The following POLH variants were observed in gnomAD, a reference collection of about 807,000 sequenced individuals.
The protein encoded by POLH is DNA polymerase eta.
A neutral mutation model predicts 73.6 loss-of-function variants in POLH; 53 were observed. The ratio of observed to expected loss-of-function variants is 0.72; its 90% CI spans 0.58 to 0.91. The LOEUF is 0.91. Ranked by LOEUF, POLH falls within the 40% of genes least tolerant of loss-of-function variation. The pLI, the probability that POLH is intolerant of heterozygous loss-of-function variation, is 0.00. For missense variants in POLH, 768 were observed against 865.4 expected (o/e 0.89, Z 1.41); for synonymous variants, 292 against 308.5 (o/e 0.95, Z 0.56).
At chr6:43,594,485 G>A (rs1272788895) in intron 4 of POLH, among the ~76,000 whole-genome samples, 1 of 152,154 alleles carries the variant, frequency 6.6e-6, no homozygotes, top group Non-Finnish European at 1.5e-5. Context: ...CACTTTGGGA[G>A]CCCTTGAGGT....
chr6:43,619,364 CAAAAAAAAAAAAAAAAAAA>C lies in POLH; in HGVS notation c.*4819_*4837del. Reference sequence around the variant, plus strand: ...TGGGTGACAGTCTGAGACCCTGTCTCAAAAAAAAAAAAAAAAAAAAAAAAAAAAAAGACTACATTCACTG... The same window carrying C: ...TGGGTGACAGTCTGAGACCCTGTCTCAAAAAAAAAAAGACTACATTCACTG... On this transcript the variant is annotated 3_prime_UTR_variant, in exon 11 of 11. Transcript: ENST00000372236. Among the ~76,000 whole-genome samples, 1 of 37,086 alleles carries C rather than the reference CAAAAAAAAAAAAAAAAAAA, an allele frequency of 2.7e-5. No individual in the cohort carries two copies. Among genetic ancestry groups the C allele is most frequent in the South Asian group, 1.5e-3 (1 of 668 alleles). The allele number at this position is 37,086 out of a possible 152,430, so 24.3% of individuals were successfully genotyped here. A position where few individuals can be genotyped will look rare whatever the true frequency, so the allele number is the denominator to read the frequency against.
intron 10 of POLH, 85 bp downstream of exon 10, chr6:43,610,808 AAAGT>A: frequency 8.6e-7 from 1 of 1,164,334 alleles, no homozygotes; most frequent in Non-Finnish European, 1.3e-6. Flanking sequence ...TTTTTATCAT[AAAGT>A]TCCTCATTGT....
chr6:43,614,358 C>T lies in POLH; in HGVS notation c.1943C>T (p.Pro648Leu), dbSNP rs913468832. Residue 648 changes from proline (P) to leucine (L), a missense_variant, in exon 11 of 11, where the codon CCA (proline) becomes CTA (leucine). Transcript: ENST00000372236. ...CGSLVPVWDM[P>L]EHMDYHFALE... ...TCCCTGGTACCGGTATGGGATATGC[C>T]AGAACACATGGACTATCATTTTGCA... 3 of 1,613,254 alleles carry T rather than the reference C, an allele frequency of 1.9e-6. No homozygotes were observed. The highest frequency in any genetic ancestry group is 2.7e-5 in the African/African-American group (2 of 74,906).
Position 43,618,640 on chromosome 6 carries a change from A to G in POLH, c.*4083A>G, listed in dbSNP as rs771058700. 6.6e-6 allele frequency among the ~76,000 whole-genome samples: 1 copy of G among 151,712 alleles called. No homozygotes were observed. Among genetic ancestry groups the G allele is most frequent in the African/African-American group, 2.4e-5 (1 of 41,316 alleles). The stretch of plus-strand genomic sequence containing the variant: ...CTCCCATACATATACCCAAACTTCT[A>G]TTTTTTTATGTGACGGAGTTTCTCT... On this transcript the variant is annotated 3_prime_UTR_variant, in exon 11 of 11. Coordinates refer to ENST00000372236, the MANE Select transcript of POLH (RefSeq NM_006502.3).
intron 9 of POLH, among the ~76,000 whole-genome samples, chr6:43,608,500 C>G (rs991656463): frequency 6.6e-6 from 1 of 152,326 alleles, no homozygotes; most frequent in African/African-American, 2.4e-5. Context: ...TCATCTCTCT[C>G]TAAGTCCCTG....
rs1768205725 is a variant in POLH at position 43,614,685 on chromosome 6, C to A, written c.*128C>A. ...GAAATTTTTAATACAAAAAATAATCCATTTAGGTGCTGAGTTACGGTCCCA... is the reference window on the plus strand; with the variant it reads ...GAAATTTTTAATACAAAAAATAATCAATTTAGGTGCTGAGTTACGGTCCCA... On this transcript the variant is annotated 3_prime_UTR_variant, in exon 11 of 11. Transcript: ENST00000372236. The A allele has an allele frequency of 6.1e-6, 5 of 817,360 alleles. No homozygotes were observed. The highest frequency in any genetic ancestry group is 9.5e-6 in the Non-Finnish European group (5 of 527,866). 50.6% of individuals were successfully genotyped at this position (817,360 alleles called of 1,614,324 possible).
intron 1 of POLH, among the ~76,000 whole-genome samples, chr6:43,581,542 C>T (rs1173904560): frequency 1.3e-5 from 2 of 150,374 alleles, no homozygotes; most frequent in East Asian, 1.9e-4. Flanking sequence ...CCAAGGCAGG[C>T]GGCTGCTCCT....
intron 3 of POLH, among the ~76,000 whole-genome samples, chr6:43,585,637 C>T (rs77866919): frequency 0.01 from 1,111 of 107,202 alleles, 25 homozygotes; most frequent in African/African-American, 0.042. Flanking sequence ...TCTTTCTTTT[C>T]TTTTTTTTTT....
At position 43,617,076 on chromosome 6, in the gene POLH, G is replaced by C. The variant is rs902811908; in HGVS notation, c.*2519G>C. Among the ~76,000 whole-genome samples the C allele has an allele frequency of 2.0e-5, 3 of 152,206 alleles. No homozygotes were observed. Among genetic ancestry groups the C allele is most frequent in the African/African-American group, 7.2e-5 (3 of 41,450 alleles). On this transcript the variant is annotated 3_prime_UTR_variant, in exon 11 of 11. Transcript: ENST00000372236. ...ATGGTGGTGGGTGCGTGTAATCCCAGCTAGTTGGGAGGCTGAGGCAGGAGA... is the reference window on the plus strand; with the variant it reads ...ATGGTGGTGGGTGCGTGTAATCCCACCTAGTTGGGAGGCTGAGGCAGGAGA...
chr6:43,605,107 A>G (rs1253206715), intron 8 of POLH, 147 bp from the exon 9 acceptor site: 2 of 682,594 alleles, frequency 2.9e-6, no homozygotes, highest in African/African-American at 3.6e-5. Context: ...GACTGGGAAC[A>G]TTTCTATGAT....
At chr6:43,606,460 G>A (rs1431984809) in intron 9 of POLH, among the ~76,000 whole-genome samples, 2 of 149,748 alleles carry the variant, frequency 1.3e-5, no homozygotes, top group Admixed American at 6.7e-5. Context: ...ACTGAGTTTC[G>A]CTCTATCGCC....
At chr6:43,580,944 A>ACC (rs1164733571) in intron 1 of POLH, among the ~76,000 whole-genome samples, 1 of 125,228 alleles carries the variant, frequency 8.0e-6, no homozygotes. Context: ...CGGGGGGCTG[A>ACC]CCCCCCCACC....
intron 6 of POLH, among the ~76,000 whole-genome samples, chr6:43,603,007 T>C (rs1766900770): frequency 6.8e-6 from 1 of 146,900 alleles, no homozygotes; most frequent in Non-Finnish European, 1.5e-5. Flanking sequence ...TTTTTTTTTT[T>C]TTTTTTTTTT....
In POLH at chr6:43,583,155, ATTAT is replaced by A. The variant is rs757905533; in HGVS notation, c.272+18_272+21del. On this transcript the variant is annotated intron_variant, in intron 3 of 10. Transcript: ENST00000372236. ...TAACCTCACCAAGTAAGAAAAAAAC[ATTAT>A]TTAAGGAGACATAAAGGAGTCGAAA... The A allele has an allele frequency of 2.7e-5, 43 of 1,612,742 alleles. No homozygotes were observed. Among genetic ancestry groups the A allele is most frequent in the Non-Finnish European group, 3.6e-5 (42 of 1,178,988 alleles).
In POLH at chr6:43,614,835, G is replaced by A; in HGVS notation, c.*278G>A. The A allele has an allele frequency of 2.5e-6, 1 of 404,178 alleles. No homozygotes were observed. Among genetic ancestry groups the A allele is most frequent in the African/African-American group, 2.0e-5 (1 of 49,516 alleles). The allele number at this position is 404,178 out of a possible 1,614,324, so 25.0% of individuals were successfully genotyped here. On this transcript the variant is annotated 3_prime_UTR_variant, in exon 11 of 11. Coordinates refer to ENST00000372236, the MANE Select transcript of POLH (RefSeq NM_006502.3). ...TAAAGTAAAAAGTGTGTGGGCCTTGGAGTCTAAGAGACGTGGTTGCAAACT... is the reference window on the plus strand; with the variant it reads ...TAAAGTAAAAAGTGTGTGGGCCTTGAAGTCTAAGAGACGTGGTTGCAAACT...
intron 6 of POLH, among the ~76,000 whole-genome samples, chr6:43,601,419 C>T (rs1766718989): frequency 6.6e-6 from 1 of 152,124 alleles, no homozygotes; most frequent in Non-Finnish European, 1.5e-5. Context: ...GCGCCCACCA[C>T]CACGCCTGGC....
At chr6:43,581,601 G>A (rs1031572044) in intron 1 of POLH, among the ~76,000 whole-genome samples, 5 of 149,390 alleles carry the variant, frequency 3.3e-5, no homozygotes, top group Non-Finnish European at 5.9e-5. Flanking sequence ...GCTGCCTCCC[G>A]GGCGGCGCTC....
chr6:43,582,526 T>A, intron 2 of POLH, 70 bp downstream of exon 2: 1 of 1,508,432 alleles, frequency 6.6e-7, no homozygotes, highest in Non-Finnish European at 9.2e-7. Flanking sequence ...TCCTTTGTTG[T>A]TGTGGTGGTG....
Position 43,614,964 on chromosome 6 carries a change from A to G in POLH, c.*407A>G, listed in dbSNP as rs1489287828. ...TACAGATTATTGCAGATTAATAACA[A>G]TGTATTCAAATTATGTAACTCGGCC... is the stretch of plus-strand genomic sequence containing the variant. On this transcript the variant is annotated 3_prime_UTR_variant, in exon 11 of 11. Transcript: ENST00000372236. 2.8e-5 allele frequency: 5 copies of G among 177,766 alleles called. No homozygotes were observed. The highest frequency in any genetic ancestry group is 6.0e-5 in the Non-Finnish European group (5 of 83,686). 11.0% of individuals were successfully genotyped at this position (177,766 alleles called of 1,614,324 possible).
Sources: allele counts gnomAD v4.1 joint callset (sites outside exome capture counted in the v4.1 genomes callset), GRCh38; gene constraint gnomAD v4.1.1; transcripts MANE v1.5; gene names NCBI Gene and HGNC (gene_info 2026-07-23, HGNC 2026-07-21).